The following GABRB3 variants were observed in gnomAD, a reference collection of about 807,000 sequenced individuals.
The protein encoded by GABRB3 is gamma-aminobutyric acid receptor subunit beta-3.
A neutral mutation model predicts 52.1 loss-of-function variants in GABRB3; 14 were observed. The observed-to-expected ratio is 0.27, with a 90% confidence interval of 0.18 to 0.42. The LOEUF (loss-of-function observed/expected upper bound fraction) is 0.42. GABRB3 is among the 10% of genes least tolerant of loss of function. The pLI is 1.00. For synonymous variants in GABRB3, 260 were observed against 232.3 expected (o/e 1.12, Z -1.08); for missense variants, 307 against 609.1 (o/e 0.50, Z 5.22).
chr15:26,559,237 C>G (rs1889887469), intron 8 of GABRB3, among the ~76,000 whole-genome samples: 2 of 152,196 alleles, frequency 1.3e-5, no homozygotes, highest in South Asian at 4.1e-4. Context: ...ATGAGATGAT[C>G]TGGCTGTTTC....
chr15:26,616,174 G>T, intron 4 of GABRB3: 3 of 933,094 alleles, frequency 3.2e-6, no homozygotes, highest in Non-Finnish European at 4.5e-6. Flanking sequence ...AGGGAAGGTG[G>T]GCCTTGGGGC....
chr15:26,635,019 A>ATATATATATG (rs1893017985), intron 3 of GABRB3, among the ~76,000 whole-genome samples: 4 of 132,456 alleles, frequency 3.0e-5, no homozygotes, highest in Non-Finnish European at 6.6e-5. Flanking sequence ...TAATATATAT[A>ATATATATATG]TATTTAGAGA....
At chr15:26,628,178 C>T (rs535457307) in intron 3 of GABRB3, among the ~76,000 whole-genome samples, 2 of 152,242 alleles carry the variant, frequency 1.3e-5, no homozygotes, top group Admixed American at 6.5e-5. Flanking sequence ...ATAAACATAA[C>T]TTTTATATAT....
At chr15:26,687,410 C>G (rs577795129) in intron 3 of GABRB3, among the ~76,000 whole-genome samples, 1 of 152,046 alleles carries the variant, frequency 6.6e-6, no homozygotes, top group African/African-American at 2.4e-5. Context: ...AAAGAGGTGA[C>G]GCTAACAGGA....
chr15:26,623,735 C>A (rs1323329864), intron 3 of GABRB3, among the ~76,000 whole-genome samples: 1 of 152,112 alleles, frequency 6.6e-6, no homozygotes, highest in South Asian at 2.1e-4. Flanking sequence ...AGCCCCTGTG[C>A]CCCAAGGGCC....
At chr15:26,580,988 C>T (rs1222553126) in intron 5 of GABRB3, among the ~76,000 whole-genome samples, 2 of 152,190 alleles carry the variant, frequency 1.3e-5, no homozygotes, top group Admixed American at 6.5e-5. Flanking sequence ...TTCCTGGCCA[C>T]GAAGTTTGCC....
At chr15:26,599,425 C>T (rs1002588856) in intron 4 of GABRB3, among the ~76,000 whole-genome samples, 14 of 152,202 alleles carry the variant, frequency 9.2e-5, no homozygotes, top group Admixed American at 9.2e-4. Flanking sequence ...TGCAGCCCTG[C>T]TCAACTACAG....
At chr15:26,610,071 T>C (rs553228518) in intron 4 of GABRB3, among the ~76,000 whole-genome samples, 84 of 152,290 alleles carry the variant, frequency 5.5e-4, no homozygotes, top group Admixed American at 2.5e-3. Context: ...GGCCAGACCC[T>C]TCACACATCA....
rs1889137234 is a variant in GABRB3, at chr15:26,544,220, T to C, written c.*3573A>G. On this transcript the variant is annotated 3_prime_UTR_variant, in exon 9 of 9. Transcript: ENST00000311550. ...GCCAGGAGATTCAAAGTTGGACACA[T>C]TCTTGTTAGAATACACCAATGGTGG... The C allele has an allele frequency of 6.6e-6, 1 of 152,628 alleles. No individual in the cohort carries two copies. Among genetic ancestry groups the C allele is most frequent in the Non-Finnish European group, 1.5e-5 (1 of 68,038 alleles). 9.5% of individuals were successfully genotyped at this position (152,628 alleles called of 1,614,324 possible).
chr15:26,742,924 C>CTTTTTTTTT (rs779891729), intron 3 of GABRB3, among the ~76,000 whole-genome samples: 1 of 48,832 alleles, frequency 2.0e-5, no homozygotes, highest in African/African-American at 5.7e-5. Context: ...ATTAGAGATT[C>CTTTTTTTTT]TTTTTTTTTT....
intron 4 of GABRB3, among the ~76,000 whole-genome samples, chr15:26,610,898 G>C (rs974922266): frequency 6.6e-6 from 1 of 152,182 alleles, no homozygotes; most frequent in Admixed American, 6.5e-5. Flanking sequence ...TAGATATTTT[G>C]AGGTGTCAGG....
chr15:26,624,958 G>A (rs1343486232), intron 3 of GABRB3: 10 of 985,332 alleles, frequency 1.0e-5, no homozygotes, highest in African/African-American at 1.7e-5. Context: ...CAAACTCCAC[G>A]CCCTGTGCTA....
intron 8 of GABRB3, among the ~76,000 whole-genome samples, chr15:26,554,759 G>T (rs1889690689): frequency 1.3e-5 from 2 of 152,222 alleles, no homozygotes; most frequent in Non-Finnish European, 2.9e-5. Flanking sequence ...CATGGGACGT[G>T]AGTGATCTGC....
At chr15:26,693,813 T>C (rs1888657576) in intron 3 of GABRB3, among the ~76,000 whole-genome samples, 1 of 152,204 alleles carries the variant, frequency 6.6e-6, no homozygotes, top group African/African-American at 2.4e-5. Context: ...ATAGCCTACC[T>C]TGAGAGTTAA....
intron 3 of GABRB3, among the ~76,000 whole-genome samples, chr15:26,759,577 G>A (rs1675338396): frequency 6.6e-6 from 1 of 152,148 alleles, no homozygotes; most frequent in African/African-American, 2.4e-5. Context: ...ATTTTTTGTA[G>A]AGATGCCATA....
intron 3 of GABRB3, among the ~76,000 whole-genome samples, chr15:26,733,704 C>A (rs1334500847): frequency 6.6e-6 from 1 of 152,200 alleles, no homozygotes; most frequent in African/African-American, 2.4e-5. Context: ...TGAGCACTCA[C>A]ACTTCCTGAT....
chr15:26,614,536 A>G (rs554657769), intron 4 of GABRB3: 124 of 152,284 alleles, frequency 8.1e-4, no homozygotes, highest in African/African-American at 2.8e-3. Flanking sequence ...CCCATCTGGT[A>G]AGAAATTTAT....
chr15:26,654,970 CTG>C (rs1482388624), intron 3 of GABRB3, among the ~76,000 whole-genome samples: 1 of 152,074 alleles, frequency 6.6e-6, no homozygotes, highest in African/African-American at 2.4e-5. Flanking sequence ...GTAGCTAAGA[CTG>C]TCACCATGCC....
intron 8 of GABRB3, among the ~76,000 whole-genome samples, chr15:26,556,865 G>A (rs1206309759): frequency 6.6e-6 from 1 of 152,120 alleles, no homozygotes; most frequent in African/African-American, 2.4e-5. Context: ...ACAGAAAGTG[G>A]TCTCAAGAAA....
Sources: gnomAD v4.1 joint callset for allele counts (sites outside exome capture counted in the v4.1 genomes callset) on GRCh38, gnomAD v4.1.1 for gene constraint, MANE v1.5 for transcripts, NCBI Gene and HGNC (gene_info 2026-07-23, HGNC 2026-07-21) for gene names.